The following PPM1A variants were observed in gnomAD, a reference collection of about 807,000 sequenced individuals.
PPM1A encodes protein phosphatase, Mg2+/Mn2+ dependent 1A, also known as protein phosphatase 1A.
A neutral mutation model predicts 35.0 loss-of-function variants in PPM1A; 7 were observed. That is an observed-to-expected ratio of 0.20 (90% CI 0.11 to 0.38). The LOEUF (loss-of-function observed/expected upper bound fraction) is 0.38, where lower values mean the gene tolerates loss of function less well. Among genes scored for constraint, PPM1A ranks in the 10% least tolerant of loss-of-function variants. The probability of loss-of-function intolerance (pLI) is 1.00; values close to 1 mark genes in which losing one functional copy is unlikely to be tolerated. For synonymous variants in PPM1A, 153 were observed against 167.3 expected, an observed-to-expected ratio of 0.91 and a Z score of 0.66; for missense variants, 239 against 467.8, an observed-to-expected ratio of 0.51 and a Z score of 4.51.
In PPM1A at chr14:60,293,971, A is replaced by T. The variant is rs1355693206; in HGVS notation, c.*1489A>T. 1 of 151,918 alleles carries T rather than the reference A, an allele frequency of 6.6e-6. No individual in the cohort carries two copies. Among genetic ancestry groups the T allele is most frequent in the Admixed American group, 6.6e-5 (1 of 15,196 alleles). 9.4% of individuals were successfully genotyped at this position (151,918 alleles called of 1,614,324 possible). On this transcript the variant is annotated 3_prime_UTR_variant, in exon 6 of 6. Coordinates refer to ENST00000395076, the MANE Select transcript of PPM1A (RefSeq NM_021003.5). This position sits in a 1 kb window ranked among gnomAD's most constrained non-coding sequence, Gnocchi z 4.0. ...GTATTTTTGTCTCTTTAGGTTGAAT[A>T]TTGTATTTATCACCATGTAATCATT... is the stretch of plus-strand genomic sequence containing the variant.
intron 1 of PPM1A, among the ~76,000 whole-genome samples, chr14:60,278,339 CTTTT>C (rs36059694): frequency 2.2e-5 from 3 of 139,028 alleles, no homozygotes; most frequent in Non-Finnish European, 4.7e-5. Context: ...CTCCCAGTTT[CTTTT>C]TTTTTTTTTT....
intron 3 of PPM1A, chr14:60,286,891 CCA>C: frequency 1.0e-6 from 1 of 971,884 alleles, no homozygotes; most frequent in South Asian, 4.8e-5. Context: ...CTTACTGTTA[CCA>C]AGGGTCTTGG....
Position 60,292,301 on chromosome 14 carries a change from G to A in PPM1A, c.1120-152G>A. On this transcript the variant is annotated intron_variant, in intron 5 of 5. Coordinates refer to ENST00000395076, the MANE Select transcript of PPM1A (RefSeq NM_021003.5). The surrounding 1 kb of genome is among the most constrained non-coding windows in gnomAD (Gnocchi z 4.2). ...CAGATTAAACATTGCTATTTCATAT[G>A]TACACATATATACTTATATACTTTA... The A allele has an allele frequency of 2.1e-6, 1 of 481,418 alleles. No homozygotes were observed. Among genetic ancestry groups the A allele is most frequent in the Non-Finnish European group, 3.7e-6 (1 of 272,328 alleles). 29.8% of individuals were successfully genotyped at this position (481,418 alleles called of 1,614,324 possible).
intron 1 of PPM1A, among the ~76,000 whole-genome samples, chr14:60,275,014 C>G (rs886465517): frequency 6.7e-6 from 1 of 149,016 alleles, no homozygotes; most frequent in Non-Finnish European, 1.5e-5. Context: ...CTGTTGTTTT[C>G]TTTCAGTCCC....
rs750056812 is a variant in PPM1A, at chr14:60,291,468, T to C, written c.1119+14T>C. On this transcript the variant is annotated intron_variant, in intron 5 of 5. Transcript: ENST00000395076. ...AATGACGACACTGTAAGTAGCATTT[T>C]AGCTCCCTCTGCTTTCCCTTCCCCT... 1.7e-5 allele frequency: 26 copies of C among 1,563,680 alleles called. No individual in the cohort carries two copies. In the East Asian group the frequency reaches 5.5e-4, roughly 33 times the overall value.
Position 60,258,687 on chromosome 14 carries a change from A to G in PPM1A, c.-21+9010A>G, listed in dbSNP as rs80216377. ...TATTCTATAGATGGAAAATGGTAGG[A>G]TACAGTTTGTTGGCCGGCCAACTTC... is the stretch of plus-strand genomic sequence containing the variant. On this transcript the variant is annotated intron_variant, in intron 1 of 5. Coordinates refer to ENST00000395076, the MANE Select transcript of PPM1A (RefSeq NM_021003.5). Among the ~76,000 whole-genome samples the G allele has an allele frequency of 7.8e-3, 1,188 of 152,198 alleles. 12 individuals are homozygous for G. The highest frequency in any genetic ancestry group is 0.027 in the African/African-American group (1,127 of 41,572).
chr14:60,269,987 A>G (rs887285973), intron 1 of PPM1A, among the ~76,000 whole-genome samples: 3 of 152,210 alleles, frequency 2.0e-5, no homozygotes, highest in Non-Finnish European at 2.9e-5. Context: ...TCTTTAGTTT[A>G]TGATTTATTT....
At chr14:60,262,677 C>G (rs1257823176) in intron 1 of PPM1A, among the ~76,000 whole-genome samples, 1 of 152,110 alleles carries the variant, frequency 6.6e-6, no homozygotes, top group African/African-American at 2.4e-5. Context: ...CAGAGCAACA[C>G]CCTACCTCAA....
intron 1 of PPM1A, among the ~76,000 whole-genome samples, chr14:60,265,781 G>A (rs1367161841): frequency 6.6e-6 from 1 of 152,056 alleles, no homozygotes; most frequent in Non-Finnish European, 1.5e-5. Flanking sequence ...TGCAAACAAG[G>A]GCAAGACGGG....
At chr14:60,265,700 TA>T (rs1369287887) in intron 1 of PPM1A, among the ~76,000 whole-genome samples, 1 of 152,178 alleles carries the variant, frequency 6.6e-6, no homozygotes, top group Non-Finnish European at 1.5e-5. Flanking sequence ...GTGGTAAGTC[TA>T]AGATTGAGGG....
chr14:60,262,689 C>T (rs1255814279), intron 1 of PPM1A, among the ~76,000 whole-genome samples: 1 of 151,870 alleles, frequency 6.6e-6, no homozygotes, highest in Non-Finnish European at 1.5e-5. Flanking sequence ...CTACCTCAAA[C>T]AAACAAACAA....
rs1267553016 is a variant in PPM1A at position 60,297,384 on chromosome 14, CCTTT to C, written c.*4903_*4906del. 6.6e-6 allele frequency: 1 copy of C among 151,596 alleles called. No individual in the cohort carries two copies. The highest frequency in any genetic ancestry group is 1.5e-5 in the Non-Finnish European group (1 of 67,640). The allele number at this position is 151,596 out of a possible 1,614,324, so 9.4% of individuals were successfully genotyped here. A position where few individuals can be genotyped will look rare whatever the true frequency, so the allele number is the denominator to read the frequency against. ...TGTCACATAAACCAACAAGAATGAA[CCTTT>C]GCTGCTTCAGATAATTTGATTTTTC... On this transcript the variant is annotated 3_prime_UTR_variant, in exon 6 of 6. Transcript: ENST00000395076.
At chr14:60,246,663 T>C (rs775632279), upstream of PPM1A, among the ~76,000 whole-genome samples, 2 of 152,122 alleles carry the variant, frequency 1.3e-5, no homozygotes, top group Non-Finnish European at 1.5e-5. Flanking sequence ...CCCCCCTTCT[T>C]AGCATAAGGT....
chr14:60,264,017 T>C (rs1434596134), intron 1 of PPM1A, among the ~76,000 whole-genome samples: 2 of 152,110 alleles, frequency 1.3e-5, no homozygotes, highest in Non-Finnish European at 2.9e-5. Context: ...CTTGTTTAAT[T>C]AGCCAGTATT....
In PPM1A at chr14:60,283,112, C is replaced by G. The variant is rs1228096234; in HGVS notation, c.409C>G (p.Gln137Glu). The G allele has an allele frequency of 6.2e-7, 1 of 1,614,178 alleles. No homozygotes were observed. The highest frequency in any genetic ancestry group is 8.5e-7 in the Non-Finnish European group (1 of 1,180,032). ...STAVGVLISPQHTYFINCGDS... is the reference protein window; with the variant it reads ...STAVGVLISPEHTYFINCGDS... ...AGCTGTAGGTGTCTTAATTTCTCCC[C>G]AACATACTTATTTCATTAACTGTGG... Residue 137 changes from glutamine (Q) to glutamate (E), a missense_variant, in exon 2 of 6, where the codon CAA becomes GAA. By Grantham distance (29) the Gln-to-Glu change is conservative (BLOSUM62 2). Coordinates refer to ENST00000395076, the MANE Select transcript of PPM1A (RefSeq NM_021003.5). This position sits in a 1 kb window ranked among gnomAD's most constrained non-coding sequence, Gnocchi z 6.3.
intron 1 of PPM1A, among the ~76,000 whole-genome samples, chr14:60,278,478 C>T (rs570864818): frequency 6.6e-6 from 1 of 152,044 alleles, no homozygotes; most frequent in Non-Finnish European, 1.5e-5. Context: ...TTCCCTCTTT[C>T]TGCTTCAAAG....
intron 1 of PPM1A, among the ~76,000 whole-genome samples, chr14:60,280,795 A>C (rs1189307945): frequency 6.6e-6 from 1 of 152,198 alleles, no homozygotes; most frequent in Non-Finnish European, 1.5e-5. Context: ...AAAATCATAG[A>C]TACCTAGGTT....
chr14:60,249,147 C>A (rs949214193), upstream of PPM1A: 6 of 850,278 alleles, frequency 7.1e-6, no homozygotes, highest in African/African-American at 7.3e-5. The surrounding 1 kb of genome is among the most constrained non-coding windows in gnomAD (Gnocchi z 4.5). Context: ...GGCGGCGGAG[C>A]CAGCGGGGCG....
At chr14:60,269,769 A>G (rs1884864648) in intron 1 of PPM1A, among the ~76,000 whole-genome samples, 2 of 152,074 alleles carry the variant, frequency 1.3e-5, no homozygotes, top group Admixed American at 1.3e-4. Flanking sequence ...GGCTGATCTC[A>G]AACTCCTGAC....
Sources: gnomAD v4.1 joint callset for allele counts (sites outside exome capture counted in the v4.1 genomes callset) on GRCh38, gnomAD v4.1.1 for gene constraint, Gnocchi (gnomAD v3.1) non-coding constraint, MANE v1.5 for transcripts, NCBI Gene and HGNC (gene_info 2026-07-23, HGNC 2026-07-21) for gene names.